The following ACSF2 variants were observed in gnomAD, a reference collection of about 807,000 sequenced individuals.
The protein encoded by ACSF2 is acyl-CoA synthetase family member 2, also known as medium-chain acyl-CoA ligase ACSF2, mitochondrial.
Under a neutral mutation model 79.3 loss-of-function variants are expected in ACSF2, and 52 were observed. The observed-to-expected ratio is 0.66, with a 90% CI of 0.53 to 0.83. The LOEUF (loss-of-function observed/expected upper bound fraction) is 0.83, where lower values mean the gene tolerates loss of function less well. ACSF2 is among the 40% of genes least tolerant of loss of function. The probability of loss-of-function intolerance (pLI) is 0.00; values close to 1 mark genes in which losing one functional copy is unlikely to be tolerated. For missense variants in ACSF2, 661 were observed against 803.3 expected, an observed-to-expected ratio of 0.82 and a Z score of 2.14; for synonymous variants, 283 against 312.6, an observed-to-expected ratio of 0.91 and a Z score of 1.00.
chr17:50,473,427 T>C, intron 12 of ACSF2: 1 of 521,396 alleles, frequency 1.9e-6, no homozygotes, highest in Non-Finnish European at 3.4e-6. Context: ...CGTGAAAAGC[T>C]ATGTATAGAT....
In ACSF2 at chr17:50,472,594, C is replaced by T. The variant is rs1204014311; in HGVS notation, c.1475+15C>T. On this transcript the variant is annotated intron_variant, in intron 12 of 15. Transcript: ENST00000300441. ...TATTGGACAGGGTGAGAAGGCAGGG[C>T]GGGGTGGAGGCTCTGGCCGCTGAGG... 7.6e-6 allele frequency: 12 copies of T among 1,573,034 alleles called. No homozygotes were observed. Among genetic ancestry groups the T allele is most frequent in the South Asian group, 2.3e-5 (2 of 86,028 alleles).
At position 50,427,650 on chromosome 17, in the gene ACSF2, A is replaced by G. The variant is rs148178529; in HGVS notation, c.128+1261A>G. The stretch of plus-strand genomic sequence containing the variant: ...GAAAGTTACTTCCCAAAGTGTACAT[A>G]TTTTATCACACTAAATCAGGCCACA... On this transcript the variant is annotated intron_variant, in intron 1 of 15. Coordinates refer to ENST00000300441, the MANE Select transcript of ACSF2 (RefSeq NM_025149.6). 2.4e-3 allele frequency among the ~76,000 whole-genome samples: 364 copies of G among 152,206 alleles called. 1 individual carries two copies. Among genetic ancestry groups the G allele is most frequent in the African/African-American group, 8.0e-3 (332 of 41,512 alleles).
chr17:50,464,493 A>G (rs756976860), intron 10 of ACSF2, 199 bp downstream of exon 10: 10 of 697,654 alleles, frequency 1.4e-5, no homozygotes, highest in Non-Finnish European at 2.1e-5. Context: ...GCAGGGGAGT[A>G]AATATAATAC....
intron 10 of ACSF2, among the ~76,000 whole-genome samples, chr17:50,469,282 G>C (rs1350467780): frequency 6.6e-6 from 1 of 152,232 alleles, no homozygotes; most frequent in African/African-American, 2.4e-5. Context: ...ACACACGCTC[G>C]GCCGGGTGCC....
intron 1 of ACSF2, among the ~76,000 whole-genome samples, chr17:50,428,942 G>T (rs1915276130): frequency 6.6e-6 from 1 of 152,242 alleles, no homozygotes; most frequent in East Asian, 1.9e-4. Flanking sequence ...CGTAGGAGGA[G>T]AAATAAATCA....
At chr17:50,460,129 G>A (rs551088717) in intron 1 of ACSF2, 23 of 453,774 alleles carry the variant, frequency 5.1e-5, no homozygotes, top group African/African-American at 2.2e-4. Context: ...AACAGGGGCC[G>A]CCCAGCTGCC....
Position 50,471,533 on chromosome 17 carries a change from T to A in ACSF2, c.1323+398T>A. 4.4e-6 allele frequency: 1 copy of A among 228,708 alleles called. No individual in the cohort carries two copies. The highest frequency in any genetic ancestry group is 7.2e-5 in the South Asian group (1 of 13,966). 14.2% of individuals were successfully genotyped at this position (228,708 alleles called of 1,614,324 possible). On this transcript the variant is annotated intron_variant, in intron 11 of 15. Transcript: ENST00000300441. This position sits in a 1 kb window ranked among gnomAD's most constrained non-coding sequence, Gnocchi z 4.1. Reference sequence around the variant, plus strand: ...GCTTTAGCAGAGTTCTTCTTCTTGCTTGGCGTAAACACTTCATTTCCCAAG... The same window carrying A: ...GCTTTAGCAGAGTTCTTCTTCTTGCATGGCGTAAACACTTCATTTCCCAAG...
intron 1 of ACSF2, among the ~76,000 whole-genome samples, chr17:50,427,887 A>T (rs1274919151): frequency 6.6e-6 from 1 of 152,090 alleles, no homozygotes; most frequent in Non-Finnish European, 1.5e-5. Context: ...CTGTGTCAGG[A>T]GGAGACTCAT....
intron 10 of ACSF2, chr17:50,468,798 G>C: frequency 6.5e-7 from 1 of 1,549,390 alleles, no homozygotes; most frequent in Non-Finnish European, 8.7e-7. Context: ...CTGAGCAAGA[G>C]CATTGGGCGG....
Position 50,461,616 on chromosome 17 carries a change from C to T in ACSF2, c.454-17C>T. ...GGTCTGCCCAGAATACTGATATGCC[C>T]TCGCCGCTTCCACCAGGTGTCTGTG... On this transcript the variant is annotated splice_polypyrimidine_tract_variant and intron_variant, in intron 3 of 15. Coordinates refer to ENST00000300441, the MANE Select transcript of ACSF2 (RefSeq NM_025149.6). The T allele has an allele frequency of 6.2e-7, 1 of 1,614,090 alleles. No homozygotes were observed. The highest frequency in any genetic ancestry group is 1.7e-5 in the Admixed American group (1 of 60,024).
At chr17:50,458,565 T>A (rs902274845) in intron 1 of ACSF2, among the ~76,000 whole-genome samples, 1 of 152,204 alleles carries the variant, frequency 6.6e-6, no homozygotes, top group Admixed American at 6.5e-5. Flanking sequence ...GCCCCTTCCT[T>A]ATCTCAGCTT....
At chr17:50,430,067 CT>C (rs1915384881) in intron 1 of ACSF2, among the ~76,000 whole-genome samples, 1 of 152,208 alleles carries the variant, frequency 6.6e-6, no homozygotes, top group Non-Finnish European at 1.5e-5. Context: ...GTTGAGAACA[CT>C]CAGAGCTGGG....
chr17:50,471,130 A>T lies in ACSF2; in HGVS notation c.1318A>T (p.Thr440Ser). 6.2e-7 allele frequency: 1 copy of T among 1,613,820 alleles called. No homozygotes were observed. The highest frequency in any genetic ancestry group is 8.5e-7 in the Non-Finnish European group (1 of 1,179,820). ...AESVGRIMPH[T>S]EARIMNMEAG... ...AAGCGTGGGCAGAATTATGCCTCAC[A>T]CGGAGGTGAGCCCCTGACCAAGACT... is the stretch of plus-strand genomic sequence containing the variant. The change falls in exon 11 of 16, where the codon ACG (threonine) becomes TCG (serine). Residue 440 changes from threonine (T) to serine (S), a missense_variant. Thr to Ser is a moderately conservative substitution (Grantham distance 58, BLOSUM62 1). Transcript: ENST00000300441. The surrounding 1 kb of genome is among the most constrained non-coding windows in gnomAD (Gnocchi z 4.1).
Position 50,464,272 on chromosome 17 carries a change from A to G in ACSF2, c.1193A>G (p.Lys398Arg), listed in dbSNP as rs774219989. ...PPELIRAIIN[K>R]INMKDLVVAY... ...GAGTTGATCCGAGCCATCATCAACA[A>G]GATAAATATGAAGGACCTGGTGGTG... The change falls in exon 10 of 16, where the codon AAG (lysine) becomes AGG (arginine). Residue 398 changes from lysine to arginine, a missense_variant. By Grantham distance (26) the Lys-to-Arg change is conservative. Transcript: ENST00000300441. 1 of 1,614,158 alleles carries G rather than the reference A, an allele frequency of 6.2e-7. No homozygotes were observed. Among genetic ancestry groups the G allele is most frequent in the South Asian group, 1.1e-5 (1 of 91,076 alleles).
intron 10 of ACSF2, chr17:50,464,665 G>C: frequency 2.1e-6 from 1 of 468,612 alleles, no homozygotes. Context: ...GTGGGGCAAG[G>C]ATCTGATGAT....
intron 1 of ACSF2, among the ~76,000 whole-genome samples, chr17:50,436,097 T>TTTGTTGTTG (rs143622318): frequency 4.6e-5 from 7 of 152,016 alleles, no homozygotes; most frequent in African/African-American, 1.7e-4. Context: ...AGAGTTCATT[T>TTTGTTGTTG]TTGTTGTTGT....
chr17:50,464,302 G>T lies in ACSF2; in HGVS notation c.1215+8G>T. The T allele has an allele frequency of 1.2e-6, 2 of 1,614,064 alleles. No individual in the cohort carries two copies. The highest frequency in any genetic ancestry group is 1.1e-5 in the South Asian group (1 of 91,078). Reference sequence around the variant, plus strand: ...AATATGAAGGACCTGGTGGTGAGTGGTGACTGCGGCCCGGGCTGTGGGCAG... The same window carrying T: ...AATATGAAGGACCTGGTGGTGAGTGTTGACTGCGGCCCGGGCTGTGGGCAG... On this transcript the variant is annotated splice_region_variant and intron_variant, in intron 10 of 15. Transcript: ENST00000300441.
At chr17:50,460,604 C>T (rs2032269490) in intron 1 of ACSF2, 73 bp from the exon 2 acceptor site, 1 of 1,433,782 alleles carries the variant, frequency 7.0e-7, no homozygotes, top group Non-Finnish European at 9.5e-7. Flanking sequence ...CCTGGCTTGG[C>T]TGGGTGTGCC....
intron 1 of ACSF2, among the ~76,000 whole-genome samples, chr17:50,460,008 G>T (rs2032236392): frequency 6.6e-6 from 1 of 152,174 alleles, no homozygotes; most frequent in African/African-American, 2.4e-5. Context: ...CATCATCTGA[G>T]AGTGGGAGCT....
Sources: allele counts gnomAD v4.1 joint callset (sites outside exome capture counted in the v4.1 genomes callset), GRCh38; gene constraint gnomAD v4.1.1; non-coding constraint Gnocchi (gnomAD v3.1); transcripts MANE v1.5; gene names NCBI Gene and HGNC (gene_info 2026-07-23, HGNC 2026-07-21).